Variants in KREMEN2 observed in about 807,000 individuals in gnomAD.
KREMEN2 encodes kremen protein 2.
KREMEN2 carries 43 observed loss-of-function variants against 49.8 expected under a neutral mutation model. The ratio of observed to expected loss-of-function variants is 0.86; its 90% CI spans 0.68 to 1.11. The LOEUF (loss-of-function observed/expected upper bound fraction) is 1.11. KREMEN2 is among the 50% of genes most tolerant of loss of function. The probability of loss-of-function intolerance (pLI) is 0.00; values close to 1 mark genes in which losing one functional copy is unlikely to be tolerated. For missense variants in KREMEN2, 686 were observed against 665.7 expected (o/e 1.03, Z -0.34); for synonymous variants, 355 against 304.9 (o/e 1.16, Z -1.71).
In KREMEN2 at chr16:2,968,010, C is replaced by G. The variant is rs1408415534; in HGVS notation, c.1379C>G (p.Ser460Cys). Residue 460 changes from serine (S) to cysteine (C), a missense_variant, in exon 9 of 9, where the codon TCC becomes TGC. Ser to Cys is a moderately radical substitution (Grantham distance 112, BLOSUM62 -1). Coordinates refer to ENST00000303746, the MANE Select transcript of KREMEN2 (RefSeq NM_172229.3). ...CAGAGCTCCCTGCGCTCGCTCATCTCCGCTCTCTGACTCTGGGCCCCGAGG... is the reference window on the plus strand; with the variant it reads ...CAGAGCTCCCTGCGCTCGCTCATCTGCGCTCTCTGACTCTGGGCCCCGAGG... ...SSQSSLRSLI[S>C]AL 6.4e-7 allele frequency: 1 copy of G among 1,559,836 alleles called. No individual in the cohort carries two copies. Among genetic ancestry groups the G allele is most frequent in the South Asian group, 1.2e-5 (1 of 85,828 alleles).
Position 2,964,955 on chromosome 16 carries a change from A to T in KREMEN2, c.191A>T (p.Asp64Val). 2 of 1,588,974 alleles carry T rather than the reference A, an allele frequency of 1.3e-6. No homozygotes were observed. Among genetic ancestry groups the T allele is most frequent in the Non-Finnish European group, 1.7e-6 (2 of 1,168,998 alleles). The change falls in exon 2 of 9, where the codon GAC becomes GTC. Residue 64 changes from aspartate to valine, a missense_variant. Asp to Val is a radical substitution (Grantham distance 152). Transcript: ENST00000303746. Reference sequence around the variant, plus strand: ...GCGGGCCGCCCGTGCCTCTTCTGGGACCAGACGCAGCAACACAGCTACAGC... The same window carrying T: ...GCGGGCCGCCCGTGCCTCTTCTGGGTCCAGACGCAGCAACACAGCTACAGC... ...RGAGRPCLFW[D>V]QTQQHSYSSA...
In KREMEN2 at chr16:2,966,240, C is replaced by G; in HGVS notation, c.361+9C>G. The stretch of plus-strand genomic sequence containing the variant: ...CATCCCCTCCTGTCACAGTGAGTAG[C>G]GCGGCTGGACAGAGGTGGGAACGCT... On this transcript the variant is annotated intron_variant, in intron 3 of 8. Transcript: ENST00000303746. The surrounding 1 kb of genome is among the most constrained non-coding windows in gnomAD (Gnocchi z 8.4). 1 of 1,613,256 alleles carries G rather than the reference C, an allele frequency of 6.2e-7. No individual in the cohort carries two copies. Among genetic ancestry groups the G allele is most frequent in the Non-Finnish European group, 8.5e-7 (1 of 1,179,976 alleles).
In KREMEN2 at chr16:2,964,419, C is replaced by G. The variant is rs2071776840; in HGVS notation, c.-102C>G. ...TCAGAGTCGGACGAGGGGAGACTGT[C>G]AGAGGACAACGCCCCCTAGGTCTCC... On this transcript the variant is annotated 5_prime_UTR_variant, in exon 1 of 9. Transcript: ENST00000303746. 2 of 777,366 alleles carry G rather than the reference C, an allele frequency of 2.6e-6. No homozygotes were observed. Among genetic ancestry groups the G allele is most frequent in the Non-Finnish European group, 4.2e-6 (2 of 479,926 alleles). 48.2% of individuals were successfully genotyped at this position (777,366 alleles called of 1,614,324 possible).
chr16:2,964,726 C>A, intron 1 of KREMEN2, 112 bp downstream of exon 1: 1 of 1,384,768 alleles, frequency 7.2e-7, no homozygotes, highest in Non-Finnish European at 9.8e-7. Context: ...GCCGGAGCAG[C>A]TGAGCAGCCC....
rs959343127 is a variant in KREMEN2, at chr16:2,967,381, G to A, written c.1035G>A (p.Ala345=). The change falls in exon 7 of 9, where the codon GCG becomes GCA. Residue 345 remains alanine, a synonymous_variant. Transcript: ENST00000303746. ...AGGGCTCGGCCCAGACCCCCGCGGCGCCCCTCGACGGGGCCAACGTGAGCT... is the reference window on the plus strand; with the variant it reads ...AGGGCTCGGCCCAGACCCCCGCGGCACCCCTCGACGGGGCCAACGTGAGCT... ...APEGSAQTPA[A]PLDGANVSCS... 7 of 1,399,118 alleles carry A rather than the reference G, an allele frequency of 5.0e-6. No individual in the cohort carries two copies. The East Asian group carries it at 1.5e-4, about 30-fold the overall frequency. 86.7% of individuals were successfully genotyped at this position (1,399,118 alleles called of 1,614,324 possible).
rs767200374 is a variant in KREMEN2 at position 2,964,508 on chromosome 16, T to C, written c.-13T>C. The C allele has an allele frequency of 2.6e-6, 4 of 1,556,372 alleles. No individual in the cohort carries two copies. The East Asian group carries it at 7.0e-5, about 27-fold the overall frequency. On this transcript the variant is annotated 5_prime_UTR_variant, in exon 1 of 9. Transcript: ENST00000303746. Reference sequence around the variant, plus strand: ...GTGTCCGGGCGAGGGTGACCTATCCTTGGTTGAGAGCGATGGGGACACAAG... The same window carrying C: ...GTGTCCGGGCGAGGGTGACCTATCCCTGGTTGAGAGCGATGGGGACACAAG...
At position 2,967,429 on chromosome 16, in the gene KREMEN2, G is replaced by A. The variant is rs1377576075; in HGVS notation, c.1083G>A (p.Pro361=). 1.3e-5 allele frequency: 18 copies of A among 1,400,824 alleles called. No individual in the cohort carries two copies. The highest frequency in any genetic ancestry group is 9.2e-5 in the African/African-American group (6 of 65,388). 86.8% of individuals were successfully genotyped at this position (1,400,824 alleles called of 1,614,324 possible). A position where few individuals can be genotyped will look rare whatever the true frequency, so the allele number is the denominator to read the frequency against. ...GCTGCAGCCCCAGGCCTGGGGCTCC[G>A]CCGGCCGCGATTGGGGGTGAGGCGG... is the stretch of plus-strand genomic sequence containing the variant. ...NVSCSPRPGA[P]PAAIGARVFS... is the part of the protein sequence containing the mutation. Residue 361 remains proline (P), a synonymous_variant, in exon 7 of 9, where the codon CCG becomes CCA. Coordinates refer to ENST00000303746, the MANE Select transcript of KREMEN2 (RefSeq NM_172229.3).
At chr16:2,965,327 C>T (rs1481820243) in intron 2 of KREMEN2, among the ~76,000 whole-genome samples, 1 of 152,142 alleles carries the variant, frequency 6.6e-6, no homozygotes, top group Non-Finnish European at 1.5e-5. Context: ...GGGGCCTGGT[C>T]AGAGCGGGGG....
At chr16:2,964,769 T>C in intron 1 of KREMEN2, 90 bp from the exon 2 acceptor site, 1 of 1,493,646 alleles carries the variant, frequency 6.7e-7, no homozygotes, top group Non-Finnish European at 9.1e-7. Flanking sequence ...GCGGGGTCGC[T>C]GGCTGGGGAC....
chr16:2,967,422 G>A lies in KREMEN2; in HGVS notation c.1076G>A (p.Gly359Glu). The change falls in exon 7 of 9, where the codon GGG (glycine) becomes GAG (glutamate). Residue 359 changes from glycine (G) to glutamate (E), a missense_variant. Coordinates refer to ENST00000303746, the MANE Select transcript of KREMEN2 (RefSeq NM_172229.3). ...GANVSCSPRP[G>E]APPAAIGARV... ...AACGTGAGCTGCAGCCCCAGGCCTG[G>A]GGCTCCGCCGGCCGCGATTGGGGGT... 7.1e-7 allele frequency: 1 copy of A among 1,401,656 alleles called. No individual in the cohort carries two copies. The highest frequency in any genetic ancestry group is 1.6e-5 in the South Asian group (1 of 63,920). 86.8% of individuals were successfully genotyped at this position (1,401,656 alleles called of 1,614,324 possible).
chr16:2,965,011 C>CT lies in KREMEN2; in HGVS notation c.248dup (p.Ala85ArgfsTer7). Reference sequence around the variant, plus strand: ...CAGCGACCCCCACGGCCGCTGGGGGCTGGGCGCGCACAACTTCTGCCGGTG... The same window carrying CT: ...CAGCGACCCCCACGGCCGCTGGGGGCTTGGGCGCGCACAACTTCTGCCGGTG... On this transcript the variant is annotated frameshift_variant, in exon 2 of 9. Coordinates refer to ENST00000303746, the MANE Select transcript of KREMEN2 (RefSeq NM_172229.3). LOFTEE classifies it high-confidence loss of function. The CT allele has an allele frequency of 6.4e-7, 1 of 1,551,876 alleles. No homozygotes were observed. The highest frequency in any genetic ancestry group is 1.2e-5 in the South Asian group (1 of 85,076).
chr16:2,965,541 A>T (rs2071801210), intron 2 of KREMEN2, among the ~76,000 whole-genome samples: 1 of 152,184 alleles, frequency 6.6e-6, no homozygotes, highest in Admixed American at 6.5e-5. Context: ...AGGCCAAGGC[A>T]GGCGGATCAT....
chr16:2,965,835 G>A (rs185536197), intron 2 of KREMEN2, among the ~76,000 whole-genome samples: 7 of 152,012 alleles, frequency 4.6e-5, no homozygotes, highest in Admixed American at 4.6e-4. Flanking sequence ...GGGTGGGGGT[G>A]AAGAATACAG....
In KREMEN2 at chr16:2,964,350, A is replaced by C; in HGVS notation, c.-171A>C. The C allele has an allele frequency of 2.0e-6, 1 of 510,352 alleles. No individual in the cohort carries two copies. The highest frequency in any genetic ancestry group is 2.9e-5 in the South Asian group (1 of 34,656). 31.6% of individuals were successfully genotyped at this position (510,352 alleles called of 1,614,324 possible). On this transcript the variant is annotated 5_prime_UTR_variant, in exon 1 of 9. Coordinates refer to ENST00000303746, the MANE Select transcript of KREMEN2 (RefSeq NM_172229.3). ...TAGGGGCAGAGGCCCTGGGAGGCAA[A>C]GACCCCCAGGAGAGATTTACCCACC...
In KREMEN2 at chr16:2,966,086, G is replaced by T; in HGVS notation, c.270-54G>T. 6.6e-7 allele frequency: 1 copy of T among 1,522,950 alleles called. No individual in the cohort carries two copies. Among genetic ancestry groups the T allele is most frequent in the South Asian group, 1.1e-5 (1 of 88,958 alleles). 94.3% of individuals were successfully genotyped at this position (1,522,950 alleles called of 1,614,324 possible). ...GAGCATAGGCTGCGGGGCCGGGCCT[G>T]GGTTTGCTATTCTTGGGGTGGTGGG... is the stretch of plus-strand genomic sequence containing the variant. On this transcript the variant is annotated intron_variant, in intron 2 of 8. Coordinates refer to ENST00000303746, the MANE Select transcript of KREMEN2 (RefSeq NM_172229.3). The surrounding 1 kb of genome is among the most constrained non-coding windows in gnomAD (Gnocchi z 8.4).
At position 2,967,025 on chromosome 16, in the gene KREMEN2, A is replaced by C; in HGVS notation, c.756A>C (p.Pro252=). 6.5e-7 allele frequency: 1 copy of C among 1,545,124 alleles called. No individual in the cohort carries two copies. ...ACTGCAGCTGGGCCCTGGGCCCGCC[A>C]GGCGCCGCGCTGGAGCTCACCTTCC... ...DRNCSWALGP[P]GAALELTFRL... is the part of the protein sequence containing the mutation. Residue 252 remains proline (P), a synonymous_variant, in exon 6 of 9, where the codon CCA becomes CCC. Transcript: ENST00000303746.
chr16:2,968,095 C>A lies in KREMEN2; in HGVS notation c.*75C>A. ...TGAGATGCTGTGCTGCGCCCTGCCT[C>A]GGCCTTGCGCCTGTGTAGGGGCAGC... On this transcript the variant is annotated 3_prime_UTR_variant, in exon 9 of 9. Coordinates refer to ENST00000303746, the MANE Select transcript of KREMEN2 (RefSeq NM_172229.3). 7.0e-7 allele frequency: 1 copy of A among 1,431,394 alleles called. No individual in the cohort carries two copies. Among genetic ancestry groups the A allele is most frequent in the Non-Finnish European group, 9.5e-7 (1 of 1,053,582 alleles). 88.7% of individuals were successfully genotyped at this position (1,431,394 alleles called of 1,614,324 possible).
chr16:2,965,014 G>A lies in KREMEN2; in HGVS notation c.250G>A (p.Gly84Ser). 1.3e-6 allele frequency: 2 copies of A among 1,550,432 alleles called. No individual in the cohort carries two copies. The highest frequency in any genetic ancestry group is 1.7e-6 in the Non-Finnish European group (2 of 1,150,088). Reference protein sequence around the residue: ...ASDPHGRWGLGAHNFCRNPDG... With the variant: ...ASDPHGRWGLSAHNFCRNPDG... ...CGACCCCCACGGCCGCTGGGGGCTG[G>A]GCGCGCACAACTTCTGCCGGTGAGG... Residue 84 changes from glycine to serine, a missense_variant, in exon 2 of 9, where the codon GGC (glycine) becomes AGC (serine). Coordinates refer to ENST00000303746, the MANE Select transcript of KREMEN2 (RefSeq NM_172229.3).
rs2071774556 is a variant in KREMEN2, at chr16:2,964,308, G to C, written c.-213G>C. 4.4e-6 allele frequency: 2 copies of C among 456,864 alleles called. No homozygotes were observed. The highest frequency in any genetic ancestry group is 4.1e-5 in the African/African-American group (2 of 48,828). The allele number at this position is 456,864 out of a possible 1,614,324, so 28.3% of individuals were successfully genotyped here. A position where few individuals can be genotyped will look rare whatever the true frequency, so the allele number is the denominator to read the frequency against. ...CCCGGAGAGACCCGGGTAGGGACAG[G>C]GACAGAGAGACGCCTCTAGGGGCAG... On this transcript the variant is annotated 5_prime_UTR_variant, in exon 1 of 9. Transcript: ENST00000303746.
Sources: allele counts gnomAD v4.1 joint callset (sites outside exome capture counted in the v4.1 genomes callset), GRCh38; gene constraint gnomAD v4.1.1; non-coding constraint Gnocchi (gnomAD v3.1); transcripts MANE v1.5; gene names NCBI Gene and HGNC (gene_info 2026-07-23, HGNC 2026-07-21).